The following DOK5 variants were observed in gnomAD, a reference collection of about 807,000 sequenced individuals.
DOK5 encodes docking protein 5.
Under a neutral mutation model 43.3 loss-of-function variants are expected in DOK5, and 27 were observed. That is an observed-to-expected ratio of 0.62 (90% CI 0.46 to 0.86). DOK5 has a LOEUF of 0.86. Among genes scored for constraint, DOK5 ranks in the 40% least tolerant of loss-of-function variants. DOK5 has a pLI of 0.00. For missense variants in DOK5, 373 were observed against 392.9 expected (o/e 0.95, Z 0.43); for synonymous variants, 146 against 140.1 (o/e 1.04, Z -0.30).
intron 1 of DOK5, among the ~76,000 whole-genome samples, chr20:54,525,352 CTTATT>C (rs1292975045): frequency 6.6e-6 from 1 of 152,156 alleles, no homozygotes; most frequent in Admixed American, 6.5e-5. Context: ...CATTAAAATT[CTTATT>C]TTATTTTCAA....
At chr20:54,492,152 A>C (rs761771767) in intron 1 of DOK5, among the ~76,000 whole-genome samples, 1 of 152,068 alleles carries the variant, frequency 6.6e-6, no homozygotes, top group African/African-American at 2.4e-5. Flanking sequence ...AAAACAATGC[A>C]AAAAAGGATA....
intron 1 of DOK5, among the ~76,000 whole-genome samples, chr20:54,485,819 G>C (rs1186185278): frequency 6.6e-6 from 1 of 152,166 alleles, no homozygotes; most frequent in Non-Finnish European, 1.5e-5. Context: ...CCAGCATTTG[G>C]TGTCATCACT....
At chr20:54,575,298 A>C (rs1336022266) in intron 2 of DOK5, among the ~76,000 whole-genome samples, 1 of 152,240 alleles carries the variant, frequency 6.6e-6, no homozygotes, top group East Asian at 1.9e-4. Context: ...GATGGTGGAC[A>C]GGCATGGGCA....
rs184203723 is a variant in DOK5 at position 54,494,772 on chromosome 20, C to T, written c.66+18760C>T. 5 of 150,890 alleles carry T rather than the reference C, an allele frequency of 3.3e-5. No homozygotes were observed. The East Asian group carries it at 1.0e-3, about 30-fold the overall frequency. The allele number at this position is 150,890 out of a possible 1,614,324, so 9.3% of individuals were successfully genotyped here. A position where few individuals can be genotyped will look rare whatever the true frequency, so the allele number is the denominator to read the frequency against. ...CTTGCTGAGAGTACATCACAGCTGA[C>T]CTGTGCCCGCCCTTGACTCCCTCCA... On this transcript the variant is annotated intron_variant, in intron 1 of 7. Coordinates refer to ENST00000262593, the MANE Select transcript of DOK5 (RefSeq NM_018431.5).
intron 6 of DOK5, among the ~76,000 whole-genome samples, chr20:54,636,957 A>C (rs961250136): frequency 6.6e-6 from 1 of 152,198 alleles, no homozygotes; most frequent in Non-Finnish European, 1.5e-5. Flanking sequence ...TAATCCCTGG[A>C]CTTTCATGAC....
intron 1 of DOK5, among the ~76,000 whole-genome samples, chr20:54,476,435 T>A (rs1981429846): frequency 6.6e-6 from 1 of 152,108 alleles, no homozygotes; most frequent in Non-Finnish European, 1.5e-5. Flanking sequence ...ACACGCATAC[T>A]CGGTGTGAAC....
At chr20:54,610,698 G>A (rs1172964112) in intron 6 of DOK5, among the ~76,000 whole-genome samples, 175 bp downstream of exon 6, 3 of 152,216 alleles carry the variant, frequency 2.0e-5, no homozygotes, top group Non-Finnish European at 4.4e-5. Context: ...TGGGCCGTTG[G>A]TAATACCTTG....
intron 1 of DOK5, among the ~76,000 whole-genome samples, chr20:54,552,534 C>G (rs111472595): frequency 6.6e-6 from 1 of 151,666 alleles, no homozygotes; most frequent in Non-Finnish European, 1.5e-5. Context: ...CTATATGTAT[C>G]GTAATATGTA....
intron 5 of DOK5, among the ~76,000 whole-genome samples, chr20:54,609,314 G>T (rs1027519212): frequency 6.6e-6 from 1 of 152,178 alleles, no homozygotes; most frequent in Non-Finnish European, 1.5e-5. Flanking sequence ...AAGGAGTGGC[G>T]TTGTGTCTTA....
intron 7 of DOK5, among the ~76,000 whole-genome samples, chr20:54,644,714 A>AAAAAAAAAAAAC (rs1979304549): frequency 1.5e-5 from 2 of 134,208 alleles, no homozygotes; most frequent in African/African-American, 2.9e-5. Context: ...TCAAAAAAAA[A>AAAAAAAAAAAAC]AAAAAAAAAA....
intron 1 of DOK5, among the ~76,000 whole-genome samples, chr20:54,546,503 C>T (rs1221961999): frequency 6.6e-6 from 1 of 151,906 alleles, no homozygotes; most frequent in Non-Finnish European, 1.5e-5. Context: ...CACCCATTAA[C>T]TCGTCATTTA....
At chr20:54,615,144 T>C (rs1190184621) in intron 6 of DOK5, among the ~76,000 whole-genome samples, 8 of 152,202 alleles carry the variant, frequency 5.3e-5, no homozygotes, top group Non-Finnish European at 1.2e-4. Flanking sequence ...AGACAGAATG[T>C]TGCACTGTGG....
chr20:54,513,923 G>C (rs1343541468), intron 1 of DOK5, among the ~76,000 whole-genome samples: 3 of 152,190 alleles, frequency 2.0e-5, no homozygotes, highest in Admixed American at 6.5e-5. Flanking sequence ...GATTATCAGA[G>C]AGAAATTTGT....
chr20:54,481,777 A>T (rs1430836632), intron 1 of DOK5, among the ~76,000 whole-genome samples: 1 of 152,054 alleles, frequency 6.6e-6, no homozygotes, highest in Non-Finnish European at 1.5e-5. Flanking sequence ...TAAAATCCCA[A>T]CTCACTGGCT....
At chr20:54,501,515 T>C (rs374803870) in intron 1 of DOK5, among the ~76,000 whole-genome samples, 1 of 70,046 alleles carries the variant, frequency 1.4e-5, no homozygotes, top group Non-Finnish European at 3.2e-5. Context: ...AAAGAAAAAA[T>C]AAATCTGGCA....
At chr20:54,483,230 C>T (rs1244172009) in intron 1 of DOK5, among the ~76,000 whole-genome samples, 5 of 152,096 alleles carry the variant, frequency 3.3e-5, no homozygotes, top group Non-Finnish European at 4.4e-5. Context: ...CCCACATCTG[C>T]CAATGTATTT....
intron 1 of DOK5, among the ~76,000 whole-genome samples, chr20:54,491,612 G>A (rs1023634942): frequency 2.6e-5 from 4 of 152,110 alleles, no homozygotes; most frequent in African/African-American, 7.2e-5. Context: ...CTTCCGCTGC[G>A]GAAGATGGAG....
At chr20:54,610,064 G>A (rs1986594082) in intron 5 of DOK5, among the ~76,000 whole-genome samples, 1 of 152,212 alleles carries the variant, frequency 6.6e-6, no homozygotes, top group African/African-American at 2.4e-5. Flanking sequence ...CTCTTTGAGA[G>A]TGGCAAGGTG....
intron 2 of DOK5, among the ~76,000 whole-genome samples, chr20:54,583,283 A>G (rs1248553155): frequency 6.6e-6 from 1 of 152,130 alleles, no homozygotes; most frequent in Middle Eastern, 3.2e-3. Flanking sequence ...GTAAGGAAAG[A>G]TACTTCAATT....
Sources: allele counts gnomAD v4.1 joint callset (sites outside exome capture counted in the v4.1 genomes callset), GRCh38; gene constraint gnomAD v4.1.1; transcripts MANE v1.5; gene names NCBI Gene and HGNC (gene_info 2026-07-23, HGNC 2026-07-21).